The following COL4A2 variants were observed in gnomAD, a reference collection of about 807,000 sequenced individuals.
COL4A2 encodes collagen type IV alpha 2 chain, also known as collagen alpha-2(IV) chain.
COL4A2 carries 99 observed loss-of-function variants against 200.2 expected under a neutral mutation model. That is an observed-to-expected ratio of 0.49 (90% CI 0.42 to 0.58). The LOEUF is 0.58. Ranked by LOEUF, COL4A2 falls within the 20% of genes least tolerant of loss-of-function variation. The probability of loss-of-function intolerance (pLI) is 0.00; values close to 1 mark genes in which losing one functional copy is unlikely to be tolerated. For missense variants in COL4A2, 1,950 were observed against 2,314.1 expected (o/e 0.84, Z 3.23); for synonymous variants, 897 against 900.6 (o/e 1.00, Z 0.07).
intron 4 of COL4A2, among the ~76,000 whole-genome samples, chr13:110,420,186 C>G (rs1000883024): frequency 3.0e-4 from 45 of 152,322 alleles, no homozygotes; most frequent in Admixed American, 1.8e-3. Context: ...CTCCCCAGAT[C>G]TGAGTGCACC....
intron 3 of COL4A2, among the ~76,000 whole-genome samples, chr13:110,336,061 T>C (rs1397377390): frequency 6.6e-6 from 1 of 152,214 alleles, no homozygotes; most frequent in African/African-American, 2.4e-5. Context: ...TATGTGAAAA[T>C]GAAGACTGCA....
chr13:110,422,182 G>A (rs557277900), intron 4 of COL4A2, among the ~76,000 whole-genome samples: 1 of 152,294 alleles, frequency 6.6e-6, no homozygotes, highest in African/African-American at 2.4e-5. Context: ...TGAGGGGAGC[G>A]TAGAGCTTCG....
intron 4 of COL4A2, among the ~76,000 whole-genome samples, chr13:110,390,438 GC>G (rs1484846873): frequency 2.0e-5 from 3 of 152,234 alleles, no homozygotes; most frequent in Non-Finnish European, 4.4e-5. Context: ...ACACCTTCTA[GC>G]CCAGCGCTGG....
At chr13:110,509,270 T>TAC (rs60333796) in intron 47 of COL4A2, among the ~76,000 whole-genome samples, 1,648 of 115,560 alleles carry the variant, frequency 0.014, 33 homozygotes, top group Non-Finnish European at 0.021. Context: ...TATATATATA[T>TAC]ACACACACAC....
At chr13:110,477,927 G>C in intron 29 of COL4A2, 76 bp from the exon 30 acceptor site, 2 of 1,299,668 alleles carry the variant, frequency 1.5e-6, no homozygotes, top group South Asian at 2.3e-5. Context: ...TACAGAATGA[G>C]TGTGTGGAGG....
intron 31 of COL4A2, among the ~76,000 whole-genome samples, chr13:110,480,846 C>T (rs534428410): frequency 6.6e-6 from 1 of 152,286 alleles, no homozygotes; most frequent in African/African-American, 2.4e-5. Flanking sequence ...AGCCCATGAA[C>T]GTTGCTGGAG....
intron 6 of COL4A2, 126 bp downstream of exon 6, chr13:110,425,123 T>A: frequency 4.8e-6 from 5 of 1,035,086 alleles, no homozygotes; most frequent in Non-Finnish European, 7.2e-6. Flanking sequence ...ACGTGGGGAC[T>A]ATACGTGCGT....
In COL4A2 at chr13:110,439,838, G is replaced by GT. The variant is rs1363749274; in HGVS notation, c.957+7dup. On this transcript the variant is annotated splice_donor_region_variant and intron_variant, in intron 16 of 47. Transcript: ENST00000360467. ...AAAGGATCACCAGGACAGAAGGTAA[G>GT]TTGGATGCATGAACTGCAGTCTGCT... 6.2e-7 allele frequency: 1 copy of GT among 1,614,000 alleles called. No homozygotes were observed. The highest frequency in any genetic ancestry group is 1.7e-5 in the Admixed American group (1 of 59,974).
At chr13:110,509,270 T>TATACACACACACAC (rs1435137108) in intron 47 of COL4A2, among the ~76,000 whole-genome samples, 11 of 115,600 alleles carry the variant, frequency 9.5e-5, no homozygotes, top group African/African-American at 3.8e-4. Flanking sequence ...TATATATATA[T>TATACACACACACAC]ACACACACAC....
At chr13:110,334,826 C>T (rs758764357) in intron 3 of COL4A2, among the ~76,000 whole-genome samples, 32 of 152,076 alleles carry the variant, frequency 2.1e-4, no homozygotes, top group Non-Finnish European at 4.0e-4. Context: ...AAGTATAATC[C>T]GAGTTATGTA....
Position 110,307,758 on chromosome 13 carries a change from C to T in COL4A2, c.-44-102C>T, listed in dbSNP as rs1594135177. Reference sequence around the variant, plus strand: ...CCCTCCGGTCACCCCTGCATGCGGGCCGCGCACCGCGCTGTCCCCGCGTCT... The same window carrying T: ...CCCTCCGGTCACCCCTGCATGCGGGTCGCGCACCGCGCTGTCCCCGCGTCT... On this transcript the variant is annotated intron_variant, in intron 1 of 47. Coordinates refer to ENST00000360467, the MANE Select transcript of COL4A2 (RefSeq NM_001846.4). This position sits in a 1 kb window ranked among gnomAD's most constrained non-coding sequence, Gnocchi z 5.0. 4 of 1,132,302 alleles carry T rather than the reference C, an allele frequency of 3.5e-6. No individual in the cohort carries two copies. The African/African-American group carries it at 4.7e-5, about 13-fold the overall frequency. The allele number at this position is 1,132,302 out of a possible 1,614,324, so 70.1% of individuals were successfully genotyped here.
intron 40 of COL4A2, among the ~76,000 whole-genome samples, chr13:110,499,524 C>A (rs373988106): frequency 6.6e-6 from 1 of 151,918 alleles, no homozygotes; most frequent in African/African-American, 2.4e-5. Flanking sequence ...AACTACAAGT[C>A]GAGATTTGGG....
At chr13:110,466,973 T>A in intron 26 of COL4A2, 67 bp from the exon 27 acceptor site, 1 of 1,602,380 alleles carries the variant, frequency 6.2e-7, no homozygotes. Flanking sequence ...CCCTTGGGGA[T>A]CCCCAAGGCC....
chr13:110,380,223 T>G (rs1031376954), intron 4 of COL4A2, among the ~76,000 whole-genome samples: 7 of 152,054 alleles, frequency 4.6e-5, no homozygotes, highest in Non-Finnish European at 1.0e-4. Context: ...TCTTAAGAGG[T>G]GGGTCTTGAA....
rs1399513860 is a variant in COL4A2 at position 110,436,323 on chromosome 13, A to G, written c.781A>G (p.Ile261Val). ...GATTCCATCAGACACCCTCCACCCC[A>G]TCATCGCGCCCACAGGAGTCACCTT... The part of the protein sequence containing the change: ...NGIPSDTLHP[I>V]IAPTGVTFHP... Residue 261 changes from isoleucine (I) to valine (V), a missense_variant, in exon 13 of 48, where the codon ATC (isoleucine) becomes GTC (valine). This residue lies in a region of COL4A2 where 565 missense variants were observed against 593.5 expected (regional missense o/e 0.95). Transcript: ENST00000360467. 6.2e-7 allele frequency: 1 copy of G among 1,614,038 alleles called. No individual in the cohort carries two copies. Among genetic ancestry groups the G allele is most frequent in the South Asian group, 1.1e-5 (1 of 91,074 alleles).
At chr13:110,510,062 G>A (rs1884034501) in intron 47 of COL4A2, among the ~76,000 whole-genome samples, 1 of 152,218 alleles carries the variant, frequency 6.6e-6, no homozygotes, top group South Asian at 2.1e-4. Flanking sequence ...TACCACTAGG[G>A]CTGCTGGCAT....
chr13:110,365,552 T>G (rs146687699), intron 4 of COL4A2, among the ~76,000 whole-genome samples: 1 of 152,322 alleles, frequency 6.6e-6, no homozygotes, highest in East Asian at 1.9e-4. Flanking sequence ...ACATGACTTC[T>G]TTAAAGGAGT....
chr13:110,446,762 A>G, intron 17 of COL4A2, 36 bp from the exon 18 acceptor site: 5 of 1,580,160 alleles, frequency 3.2e-6, no homozygotes, highest in Middle Eastern at 1.7e-4. Flanking sequence ...CCAAAAGGCT[A>G]TTCTCACATC....
At chr13:110,396,835 T>A (rs934861445) in intron 4 of COL4A2, among the ~76,000 whole-genome samples, 1 of 152,146 alleles carries the variant, frequency 6.6e-6, no homozygotes, top group African/African-American at 2.4e-5. Flanking sequence ...AAACAGCAAA[T>A]TTTTGTCTCC....
Sources: allele counts gnomAD v4.1 joint callset (sites outside exome capture counted in the v4.1 genomes callset), GRCh38; gene constraint gnomAD v4.1.1; regional missense constraint gnomAD v4.1.1; non-coding constraint Gnocchi (gnomAD v3.1); transcripts MANE v1.5; gene names NCBI Gene and HGNC (gene_info 2026-07-23, HGNC 2026-07-21).